The following TECRL variants were observed in gnomAD, a reference collection of about 807,000 sequenced individuals.
TECRL encodes the protein trans-2,3-enoyl-CoA reductase like, also known as trans-2,3-enoyl-CoA reductase-like.
A neutral mutation model predicts 52.8 loss-of-function variants in TECRL; 63 were observed. That is an observed-to-expected ratio of 1.19 (90% CI 0.97 to 1.47). The LOEUF is 1.47. TECRL is among the 40% of genes most tolerant of loss of function. The probability of loss-of-function intolerance (pLI) is 0.00; values close to 1 mark genes in which losing one functional copy is unlikely to be tolerated. For missense variants in TECRL, 482 were observed against 429.6 expected, an observed-to-expected ratio of 1.12 and a Z score of -1.08; for synonymous variants, 164 against 141.9, an observed-to-expected ratio of 1.16 and a Z score of -1.10.
chr4:64,381,669 A>C (rs375426703), intron 1 of TECRL, among the ~76,000 whole-genome samples: 180 of 152,224 alleles, frequency 1.2e-3, no homozygotes, highest in African/African-American at 4.1e-3. Context: ...TTTATCCTTC[A>C]ATCTGTTGAT....
chr4:64,284,341 C>T (rs1722978256), intron 9 of TECRL, among the ~76,000 whole-genome samples: 1 of 151,948 alleles, frequency 6.6e-6, no homozygotes, highest in African/African-American at 2.4e-5. Flanking sequence ...ATAGTCTACG[C>T]AAGGTTGAAA....
chr4:64,383,304 T>C (rs1048253040), intron 1 of TECRL, among the ~76,000 whole-genome samples: 4 of 152,300 alleles, frequency 2.6e-5, no homozygotes, highest in Middle Eastern at 3.4e-3. Flanking sequence ...TGGATGTCTA[T>C]ATCTTGCAAG....
intron 7 of TECRL, among the ~76,000 whole-genome samples, chr4:64,300,342 A>G (rs537868426): frequency 6.6e-6 from 1 of 150,924 alleles, no homozygotes; most frequent in Non-Finnish European, 1.5e-5. Flanking sequence ...TAATGGCACC[A>G]CAAAATAACT....
At chr4:64,283,443 C>G (rs189700714) in intron 9 of TECRL, among the ~76,000 whole-genome samples, 6 of 152,168 alleles carry the variant, frequency 3.9e-5, no homozygotes, top group African/African-American at 1.2e-4. Flanking sequence ...TTCAGACAGA[C>G]AGCTAATGGT....
chr4:64,300,785 A>G (rs942885796), intron 7 of TECRL, among the ~76,000 whole-genome samples: 1 of 150,988 alleles, frequency 6.6e-6, no homozygotes, highest in African/African-American at 2.4e-5. Context: ...TTTTTCACCT[A>G]ACAATATATT....
At chr4:64,391,418 G>A (rs772476299) in intron 1 of TECRL, among the ~76,000 whole-genome samples, 1 of 151,740 alleles carries the variant, frequency 6.6e-6, no homozygotes, top group African/African-American at 2.4e-5. Context: ...CTGCATGATT[G>A]TCTCAGAGTA....
In TECRL at chr4:64,336,360, C is replaced by T. The variant is rs531018634; in HGVS notation, c.287-7804G>A. 2.0e-5 allele frequency among the ~76,000 whole-genome samples: 3 copies of T among 152,024 alleles called. No homozygotes were observed. In the East Asian group the frequency reaches 5.8e-4, roughly 29 times the overall value. ...ATTTCTGTGGGATTGGTGGTGATAT[C>T]CCCTTTATCATTTTTTATTGCATCT... On this transcript the variant is annotated intron_variant, in intron 2 of 11. Transcript: ENST00000381210.
At chr4:64,409,048 A>G (rs371383818) in intron 1 of TECRL, 70 bp downstream of exon 1, 6 of 1,295,696 alleles carry the variant, frequency 4.6e-6, no homozygotes, top group East Asian at 5.0e-5. Context: ...TTAATCAAGC[A>G]ATCAATAATA....
At chr4:64,328,610 TA>T in intron 2 of TECRL, 54 bp from the exon 3 acceptor site, 2 of 1,461,252 alleles carry the variant, frequency 1.4e-6, no homozygotes, top group Non-Finnish European at 1.9e-6. Context: ...CTATAGCTTA[TA>T]AAACTAACTG....
At chr4:64,355,994 A>G (rs1720745058) in intron 2 of TECRL, among the ~76,000 whole-genome samples, 1 of 152,056 alleles carries the variant, frequency 6.6e-6, no homozygotes, top group Non-Finnish European at 1.5e-5. Context: ...GATGCTGTTA[A>G]TCTGTAACTT....
intron 2 of TECRL, among the ~76,000 whole-genome samples, chr4:64,348,993 G>C: frequency 7.0e-6 from 1 of 142,894 alleles, no homozygotes; most frequent in Non-Finnish European, 1.5e-5. Flanking sequence ...ACAGATTCAA[G>C]AGAAAACAAA....
At chr4:64,401,326 A>G (rs1242432143) in intron 1 of TECRL, among the ~76,000 whole-genome samples, 3 of 152,170 alleles carry the variant, frequency 2.0e-5, no homozygotes, top group Non-Finnish European at 2.9e-5. Flanking sequence ...ACACCAACCC[A>G]GGAAGCTTGG....
intron 2 of TECRL, among the ~76,000 whole-genome samples, chr4:64,343,568 A>G (rs1719732663): frequency 6.6e-6 from 1 of 151,782 alleles, no homozygotes; most frequent in Non-Finnish European, 1.5e-5. Flanking sequence ...ACTAAGATAA[A>G]CATGCACACA....
At chr4:64,363,224 C>A (rs1169164026) in intron 2 of TECRL, among the ~76,000 whole-genome samples, 1 of 152,062 alleles carries the variant, frequency 6.6e-6, no homozygotes, top group Non-Finnish European at 1.5e-5. Context: ...ACTTAGATAA[C>A]CACAAAATAA....
At chr4:64,383,258 G>T (rs1362199307) in intron 1 of TECRL, among the ~76,000 whole-genome samples, 1 of 151,754 alleles carries the variant, frequency 6.6e-6, no homozygotes, top group Admixed American at 6.6e-5. Context: ...TATCTTTTTG[G>T]TTGGATATAT....
intron 6 of TECRL, among the ~76,000 whole-genome samples, chr4:64,305,463 G>A (rs1311508583): frequency 6.6e-6 from 1 of 152,110 alleles, no homozygotes; most frequent in East Asian, 1.9e-4. Context: ...GGTAGGGGCT[G>A]GTTAGGCAGG....
intron 2 of TECRL, among the ~76,000 whole-genome samples, chr4:64,368,429 G>T (rs2062191): frequency 0.65 from 98,818 of 151,832 alleles, 33,705 homozygotes; most frequent in Non-Finnish European, 0.75. Context: ...CTGAGTAGCT[G>T]GGATTACAGG....
chr4:64,286,802 A>G (rs1443663933), intron 9 of TECRL, among the ~76,000 whole-genome samples: 1 of 152,184 alleles, frequency 6.6e-6, no homozygotes, highest in Non-Finnish European at 1.5e-5. Context: ...TTTCAAAATT[A>G]CTGGATGACT....
chr4:64,325,984 C>T (rs1718235333), intron 3 of TECRL, among the ~76,000 whole-genome samples: 1 of 152,116 alleles, frequency 6.6e-6, no homozygotes, highest in Non-Finnish European at 1.5e-5. Flanking sequence ...ATATATAGGG[C>T]CAAGAGGACA....
Sources: allele counts gnomAD v4.1 joint callset (sites outside exome capture counted in the v4.1 genomes callset), GRCh38; gene constraint gnomAD v4.1.1; transcripts MANE v1.5; gene names NCBI Gene and HGNC (gene_info 2026-07-23, HGNC 2026-07-21).